The following FBRSL1 variants were observed in gnomAD, a reference collection of about 807,000 sequenced individuals.
FBRSL1 encodes the protein fibrosin-1-like protein.
FBRSL1 carries 51 observed loss-of-function variants against 89.6 expected under a neutral mutation model. The ratio of observed to expected loss-of-function variants is 0.57; its 90% CI spans 0.45 to 0.72. The LOEUF is 0.72. FBRSL1 is among the 30% of genes least tolerant of loss of function. The pLI is 0.00. For missense variants in FBRSL1, 1,618 were observed against 1,451.8 expected (o/e 1.11, Z -1.86); for synonymous variants, 779 against 681.1 (o/e 1.14, Z -2.24).
Position 132,499,289 on chromosome 12 carries a change from G to A in FBRSL1, c.291+8428G>A, listed in dbSNP as rs1452661371. ...GAGAGGCCAGGTGAGCCGCTGGCCAGCAGGGAAGGGCCAGCCAGGCAGGGG... is the reference window on the plus strand; with the variant it reads ...GAGAGGCCAGGTGAGCCGCTGGCCAACAGGGAAGGGCCAGCCAGGCAGGGG... On this transcript the variant is annotated intron_variant, in intron 1 of 18. Coordinates refer to ENST00000680143, the MANE Select transcript of FBRSL1 (RefSeq NM_001367871.1). The surrounding 1 kb of genome is among the most constrained non-coding windows in gnomAD (Gnocchi z 4.3). 6.9e-6 allele frequency among the ~76,000 whole-genome samples: 1 copy of A among 144,598 alleles called. No homozygotes were observed. Among genetic ancestry groups the A allele is most frequent in the Admixed American group, 6.8e-5 (1 of 14,632 alleles). The allele number at this position is 144,598 out of a possible 152,430, so 94.9% of individuals were successfully genotyped here.
intron 2 of FBRSL1, chr12:132,510,220 T>C: frequency 8.1e-7 from 1 of 1,231,248 alleles, no homozygotes; most frequent in Non-Finnish European, 1.0e-6. Flanking sequence ...TTGCTCCCCA[T>C]TCCCGATCGC....
intron 1 of FBRSL1, among the ~76,000 whole-genome samples, chr12:132,493,425 G>C (rs868787257): frequency 2.6e-5 from 4 of 152,088 alleles, no homozygotes; most frequent in Admixed American, 2.6e-4. Context: ...TAGACTTGCC[G>C]GGGAGGTGCA....
chr12:132,562,932 T>A (rs957259214), intron 5 of FBRSL1, among the ~76,000 whole-genome samples: 1 of 152,038 alleles, frequency 6.6e-6, no homozygotes, highest in Non-Finnish European at 1.5e-5. Context: ...TGTCTGGAAT[T>A]ATTTTCAGAT....
chr12:132,505,656 G>A (rs987236916), intron 1 of FBRSL1, among the ~76,000 whole-genome samples: 5 of 152,322 alleles, frequency 3.3e-5, no homozygotes, highest in African/African-American at 7.2e-5. Flanking sequence ...GCAGCGGTGG[G>A]GCTGGCAAGG....
chr12:132,502,849 G>A (rs1295267783), intron 1 of FBRSL1, among the ~76,000 whole-genome samples: 1 of 114,824 alleles, frequency 8.7e-6, no homozygotes, highest in Non-Finnish European at 1.8e-5. Flanking sequence ...TCCTGTCCCC[G>A]CCCCCTCCTG....
In FBRSL1 at chr12:132,582,937, C is replaced by G. The variant is rs1436126249; in HGVS notation, c.2202-34C>G. 6 of 1,368,620 alleles carry G rather than the reference C, an allele frequency of 4.4e-6. No homozygotes were observed. In the African/African-American group the frequency reaches 7.7e-5, roughly 18 times the overall value. 84.8% of individuals were successfully genotyped at this position (1,368,620 alleles called of 1,614,324 possible). The stretch of plus-strand genomic sequence containing the variant: ...CTGCGCCGCGCGGCAGGACGGAGGT[C>G]TCGGGAGTGACGGGTCCGCCCTGCC... On this transcript the variant is annotated intron_variant, in intron 18 of 18. Coordinates refer to ENST00000680143, the MANE Select transcript of FBRSL1 (RefSeq NM_001367871.1).
chr12:132,541,987 C>G (rs2137215953), intron 4 of FBRSL1, among the ~76,000 whole-genome samples: 1 of 152,388 alleles, frequency 6.6e-6, no homozygotes, highest in African/African-American at 2.4e-5. Context: ...GCCGTCTGCC[C>G]CACGAGGGCC....
At chr12:132,492,843 A>G (rs913741014) in intron 1 of FBRSL1, among the ~76,000 whole-genome samples, 1 of 152,248 alleles carries the variant, frequency 6.6e-6, no homozygotes, top group Non-Finnish European at 1.5e-5. Context: ...GCTTCTGCAC[A>G]AGTCATAACC....
At position 132,540,653 on chromosome 12, in the gene FBRSL1, G is replaced by A. The variant is rs572559557; in HGVS notation, c.616-7350G>A. ...ACTGCCAGCCATCCCGTGGGCTTCC[G>A]AGCCACCTGTGGTGTGTGTGGCGCC... On this transcript the variant is annotated intron_variant, in intron 4 of 18. Coordinates refer to ENST00000680143, the MANE Select transcript of FBRSL1 (RefSeq NM_001367871.1). Among the ~76,000 whole-genome samples the A allele has an allele frequency of 3.9e-5, 6 of 152,212 alleles. No individual in the cohort carries two copies. In the East Asian group the frequency reaches 7.8e-4, roughly 20 times the overall value.
At chr12:132,496,124 G>C (rs1260599541) in intron 1 of FBRSL1, among the ~76,000 whole-genome samples, 1 of 152,254 alleles carries the variant, frequency 6.6e-6, no homozygotes, top group African/African-American at 2.4e-5. Context: ...TCGCGTTTGG[G>C]GCCTGGTGCC....
chr12:132,491,029 G>C (rs949319354), intron 1 of FBRSL1, among the ~76,000 whole-genome samples, 168 bp downstream of exon 1: 13 of 152,222 alleles, frequency 8.5e-5, no homozygotes, highest in African/African-American at 3.1e-4. Context: ...GGTGCCCACC[G>C]CTCGCCCAGA....
chr12:132,510,119 C>T (rs1490559731), intron 2 of FBRSL1: 4 of 1,225,656 alleles, frequency 3.3e-6, no homozygotes, highest in East Asian at 6.3e-5. Flanking sequence ...AGCAGCCCTG[C>T]CCACCCAAGC....
chr12:132,560,763 G>A (rs536852307), intron 5 of FBRSL1, among the ~76,000 whole-genome samples: 1 of 152,370 alleles, frequency 6.6e-6, no homozygotes, highest in East Asian at 1.9e-4. Flanking sequence ...GGGACCCTGA[G>A]CCTGCGGACC....
At position 132,490,641 on chromosome 12, in the gene FBRSL1, C is replaced by T; in HGVS notation, c.71C>T (p.Ala24Val). 2.0e-6 allele frequency: 2 copies of T among 984,100 alleles called. No individual in the cohort carries two copies. The highest frequency in any genetic ancestry group is 2.4e-6 in the Non-Finnish European group (2 of 830,284). The allele number at this position is 984,100 out of a possible 1,614,324, so 61.0% of individuals were successfully genotyped here. A position where few individuals can be genotyped will look rare whatever the true frequency, so the allele number is the denominator to read the frequency against. ...QRDRGRRREAARDARAQSPSS... is the reference protein window; with the variant it reads ...QRDRGRRREAVRDARAQSPSS... ...GACCGTGGCCGGCGCCGGGAGGCCGCCCGCGACGCCCGCGCCCAGAGTCCG... is the reference window on the plus strand; with the variant it reads ...GACCGTGGCCGGCGCCGGGAGGCCGTCCGCGACGCCCGCGCCCAGAGTCCG... Residue 24 changes from alanine to valine, a missense_variant, in exon 1 of 19, where the codon GCC becomes GTC. By Grantham distance (64) the Ala-to-Val change is moderately conservative (BLOSUM62 0). Transcript: ENST00000680143.
chr12:132,491,178 A>G (rs2030862998), intron 1 of FBRSL1, among the ~76,000 whole-genome samples: 1 of 152,214 alleles, frequency 6.6e-6, no homozygotes, highest in South Asian at 2.1e-4. Context: ...TTCTGTGGCC[A>G]GCATATCGCT....
intron 1 of FBRSL1, among the ~76,000 whole-genome samples, chr12:132,500,925 C>T (rs775269360): frequency 1.3e-5 from 2 of 152,242 alleles, no homozygotes. Context: ...TCTGGCTGTC[C>T]TCGGCCAGAC....
chr12:132,495,459 G>C (rs2031858512), intron 1 of FBRSL1, among the ~76,000 whole-genome samples: 1 of 152,354 alleles, frequency 6.6e-6, no homozygotes, highest in Non-Finnish European at 1.5e-5. Context: ...CTCTCAGATG[G>C]TGGTGGGGGC....
At chr12:132,577,021 C>G in intron 15 of FBRSL1, 90 bp downstream of exon 15, 1 of 1,460,680 alleles carries the variant, frequency 6.8e-7, no homozygotes, top group Non-Finnish European at 9.2e-7. Context: ...AGTGAGAGCG[C>G]TCTCTGGACC....
intron 3 of FBRSL1, among the ~76,000 whole-genome samples, chr12:132,526,784 C>G (rs1211263356): frequency 6.6e-6 from 1 of 152,144 alleles, no homozygotes; most frequent in Non-Finnish European, 1.5e-5. Flanking sequence ...GGCTCTGGAC[C>G]CTCCCTGTGA....
Sources: gnomAD v4.1 joint callset for allele counts (sites outside exome capture counted in the v4.1 genomes callset) on GRCh38, gnomAD v4.1.1 for gene constraint, Gnocchi (gnomAD v3.1) non-coding constraint, MANE v1.5 for transcripts, NCBI Gene and HGNC (gene_info 2026-07-23, HGNC 2026-07-21) for gene names.